Variants in LAMA1 observed in about 807,000 individuals in gnomAD.
LAMA1 encodes laminin subunit alpha 1.
In LAMA1, 219 loss-of-function variants were observed where a neutral mutation model predicts 348.7. The ratio of observed to expected loss-of-function variants is 0.63; its 90% CI spans 0.56 to 0.70. LAMA1 has a LOEUF of 0.70. Among genes scored for constraint, LAMA1 ranks in the 30% least tolerant of loss-of-function variants. LAMA1 has a pLI of 0.00. For missense variants in LAMA1, 3,744 were observed against 3,888.0 expected, an observed-to-expected ratio of 0.96 and a Z score of 0.99; for synonymous variants, 1,487 against 1,491.0, an observed-to-expected ratio of 1.00 and a Z score of 0.06.
intron 43 of LAMA1, 110 bp downstream of exon 43, chr18:6,978,086 A>C: frequency 6.9e-7 from 1 of 1,447,936 alleles, no homozygotes; most frequent in East Asian, 2.3e-5. Context: ...AGATGTTAGC[A>C]TACTTCTACT....
chr18:7,017,444 T>C, intron 19 of LAMA1, 60 bp from the exon 20 acceptor site: 2 of 1,198,460 alleles, frequency 1.7e-6, no homozygotes, highest in East Asian at 4.7e-5. Flanking sequence ...TATCATAAGA[T>C]CCGTCATCCC....
chr18:7,082,964 G>T (rs182563972), intron 1 of LAMA1, among the ~76,000 whole-genome samples: 1 of 142,502 alleles, frequency 7.0e-6, no homozygotes, highest in South Asian at 2.1e-4. Context: ...GTAACTGCAG[G>T]GTCTTGTGTT....
Position 7,011,497 on chromosome 18 carries a change from G to A in LAMA1, c.3508-18C>T, listed in dbSNP as rs1428511130. 1 of 1,589,896 alleles carries A rather than the reference G, an allele frequency of 6.3e-7. No homozygotes were observed. Among genetic ancestry groups the A allele is most frequent in the Non-Finnish European group, 8.6e-7 (1 of 1,168,320 alleles). On this transcript the variant is annotated intron_variant, in intron 24 of 62. Coordinates refer to ENST00000389658, the MANE Select transcript of LAMA1 (RefSeq NM_005559.4). ...AGCGTTACCTAAACCACGAAAGGAG[G>A]GGAAAGTGCACTTCAAAATGCGAAC... is the stretch of plus-strand genomic sequence containing the variant.
intron 61 of LAMA1, among the ~76,000 whole-genome samples, chr18:6,945,126 C>G (rs1206241479): frequency 2.0e-5 from 3 of 152,098 alleles, no homozygotes; most frequent in African/African-American, 2.4e-5. Context: ...AACTCCTGGG[C>G]TCAAGCAATC....
chr18:7,087,868 C>G (rs984143267), intron 1 of LAMA1, among the ~76,000 whole-genome samples: 3 of 152,080 alleles, frequency 2.0e-5, no homozygotes, highest in Non-Finnish European at 2.9e-5. Context: ...TGTGAGCAAT[C>G]AATGAGATCA....
At chr18:7,067,713 A>ATGTTTATTC (rs2058128589) in intron 3 of LAMA1, among the ~76,000 whole-genome samples, 1 of 152,148 alleles carries the variant, frequency 6.6e-6, no homozygotes, top group Admixed American at 6.5e-5. Flanking sequence ...ACGAGAGGAA[A>ATGTTTATTC]TGTTTATTCT....
chr18:6,970,646 T>A (rs561774842), intron 48 of LAMA1, among the ~76,000 whole-genome samples: 1 of 151,632 alleles, frequency 6.6e-6, no homozygotes, highest in South Asian at 2.1e-4. Flanking sequence ...TTTTTTGAGA[T>A]GGAGTTTCGC....
Position 7,002,265 on chromosome 18 carries a change from T to C in LAMA1, c.4381A>G (p.Ser1461Gly). 6.2e-7 allele frequency: 1 copy of C among 1,611,740 alleles called. No homozygotes were observed. Among genetic ancestry groups the C allele is most frequent in the Non-Finnish European group, 8.5e-7 (1 of 1,179,928 alleles). The change falls in exon 30 of 63, where the codon AGT (serine) becomes GGT (glycine). Residue 1461 changes from serine to glycine, a missense_variant and splice_region_variant. Coordinates refer to ENST00000389658, the MANE Select transcript of LAMA1 (RefSeq NM_005559.4). ...CCAGCTGCCCCTGTGGGGACTCACC[T>C]GGCAGGAGGGCTGTGAGGACAGGCA... The part of the protein sequence containing the change: ...LCACPHSPPA[S>G]FSPTCVLEGD...
intron 15 of LAMA1, 132 bp downstream of exon 15, chr18:7,032,852 C>T (rs530364929): frequency 6.9e-6 from 5 of 724,582 alleles, no homozygotes; most frequent in South Asian, 6.0e-5. Flanking sequence ...TTTCTATTGC[C>T]CAAAAAAGAC....
At chr18:6,948,251 G>A (rs951914722) in intron 60 of LAMA1, 152 bp downstream of exon 60, 1 of 1,071,154 alleles carries the variant, frequency 9.3e-7, no homozygotes, top group Admixed American at 2.0e-5. Context: ...GGCTTTTTAC[G>A]CCAAGAAATT....
intron 55 of LAMA1, 183 bp from the exon 56 acceptor site, chr18:6,956,948 T>C (rs933436891): frequency 1.5e-6 from 1 of 668,218 alleles, no homozygotes; most frequent in Non-Finnish European, 2.6e-6. Context: ...TTAATATTTC[T>C]TGTCTGAAGC....
intron 3 of LAMA1, among the ~76,000 whole-genome samples, chr18:7,061,612 C>T (rs888000687): frequency 6.6e-6 from 1 of 152,192 alleles, no homozygotes; most frequent in Non-Finnish European, 1.5e-5. Context: ...AATGCAGTTC[C>T]CCATTTGTTC....
At chr18:6,970,784 T>A (rs1289065997) in intron 48 of LAMA1, among the ~76,000 whole-genome samples, 1 of 152,186 alleles carries the variant, frequency 6.6e-6, no homozygotes, top group East Asian at 1.9e-4. Flanking sequence ...AGATAATTTT[T>A]GTATTTTTAA....
At chr18:7,014,719 T>G (rs1231584943) in intron 22 of LAMA1, among the ~76,000 whole-genome samples, 1 of 152,024 alleles carries the variant, frequency 6.6e-6, no homozygotes, top group Non-Finnish European at 1.5e-5. Context: ...GAAGGCTACA[T>G]AGAAAACTGG....
chr18:7,092,087 T>A (rs549910845), intron 1 of LAMA1, among the ~76,000 whole-genome samples: 42 of 152,352 alleles, frequency 2.8e-4, no homozygotes, highest in African/African-American at 9.4e-4. Flanking sequence ...TGCACAGAGT[T>A]AAATTATTTT....
intron 23 of LAMA1, 117 bp downstream of exon 23, chr18:7,013,698 G>A (rs2057871608): frequency 1.1e-6 from 1 of 884,468 alleles, no homozygotes; most frequent in East Asian, 2.6e-5. Flanking sequence ...GCGGAAGGGA[G>A]TGTGAACTCA....
chr18:7,020,329 T>C (rs621592), intron 19 of LAMA1, among the ~76,000 whole-genome samples: 52,595 of 151,902 alleles, frequency 0.35, 10,105 homozygotes, highest in African/African-American at 0.51. Context: ...GTGAGAGTTA[T>C]GGGGGGTGAG....
chr18:6,973,253 T>C, intron 46 of LAMA1, 46 bp from the exon 47 acceptor site: 1 of 1,574,004 alleles, frequency 6.4e-7, no homozygotes, highest in Non-Finnish European at 8.7e-7. Flanking sequence ...GAATTTCCAG[T>C]CAGCGCACAT....
At position 7,032,131 on chromosome 18, in the gene LAMA1, C is replaced by G. The variant is rs756274643; in HGVS notation, c.2209G>C (p.Gly737Arg). 6.2e-7 allele frequency: 1 copy of G among 1,614,224 alleles called. No individual in the cohort carries two copies. The highest frequency in any genetic ancestry group is 8.5e-7 in the Non-Finnish European group (1 of 1,180,044). The change falls in exon 16 of 63, where the codon GGA (glycine) becomes CGA (arginine). Residue 737 changes from glycine to arginine, a missense_variant. By Grantham distance (125) the Gly-to-Arg change is moderately radical. This residue lies in a region of LAMA1 where 1,529 missense variants were observed against 1,689.4 expected (regional missense o/e 0.91). Transcript: ENST00000389658. ...TGGCATTCACAGGGTTGACAAATTC[C>G]TCCAAAGAGTATTCCATCCACGCGG... ...YYRVDGILFG[G>R]ICQPCECHGH...
Sources: gnomAD v4.1 joint callset for allele counts (sites outside exome capture counted in the v4.1 genomes callset) on GRCh38, gnomAD v4.1.1 for gene constraint, gnomAD v4.1.1 regional missense constraint, MANE v1.5 for transcripts, NCBI Gene and HGNC (gene_info 2026-07-23, HGNC 2026-07-21) for gene names.